The following STIMATE variants were observed in gnomAD, a reference collection of about 807,000 sequenced individuals.
STIMATE encodes the protein store-operated calcium entry regulator STIMATE.
A neutral mutation model predicts 36.7 loss-of-function variants in STIMATE; 15 were observed. The observed-to-expected ratio is 0.41, with a 90% CI of 0.27 to 0.63. The LOEUF (loss-of-function observed/expected upper bound fraction) is 0.63, where lower values mean the gene tolerates loss of function less well. STIMATE is among the 20% of genes least tolerant of loss of function. The pLI is 0.32. For missense variants in STIMATE, 305 were observed against 397.3 expected, an observed-to-expected ratio of 0.77 and a Z score of 1.98; for synonymous variants, 163 against 162.3, an observed-to-expected ratio of 1.00 and a Z score of -0.03.
At chr3:52,884,863 G>C (rs1701666704) in intron 1 of STIMATE, among the ~76,000 whole-genome samples, 1 of 152,172 alleles carries the variant, frequency 6.6e-6, no homozygotes, top group Non-Finnish European at 1.5e-5. Context: ...TACAAATGAA[G>C]GTGCTATAAA....
chr3:52,849,865 G>A lies in STIMATE; in HGVS notation c.354C>T (p.Ile118=), dbSNP rs1700968313. ...LLDATVGMLL[I]YVGVRAVSVL... The stretch of plus-strand genomic sequence containing the variant: ...CGCTGACGGCGCGCACCCCCACGTA[G>A]ATGAGCAGCATGCCCACAGTGGCGT... The change falls in exon 4 of 8, where the codon ATC becomes ATT. Residue 118 remains isoleucine, a synonymous_variant. Coordinates refer to ENST00000355083, the MANE Select transcript of STIMATE (RefSeq NM_198563.5). 6.2e-7 allele frequency: 1 copy of A among 1,613,762 alleles called. No homozygotes were observed. Among genetic ancestry groups the A allele is most frequent in the Non-Finnish European group, 8.5e-7 (1 of 1,180,004 alleles).
intron 1 of STIMATE, among the ~76,000 whole-genome samples, chr3:52,878,260 C>G (rs1221908403): frequency 6.6e-6 from 1 of 151,368 alleles, no homozygotes; most frequent in African/African-American, 2.5e-5. Flanking sequence ...AGACACCACG[C>G]ATGTGACCAA....
intron 1 of STIMATE, among the ~76,000 whole-genome samples, chr3:52,881,519 A>G (rs1701604920): frequency 6.6e-6 from 1 of 152,040 alleles, no homozygotes; most frequent in Non-Finnish European, 1.5e-5. Context: ...CCTGGCTAAC[A>G]AGGTGAAACC....
chr3:52,880,343 A>G (rs1701582239), intron 1 of STIMATE, among the ~76,000 whole-genome samples: 1 of 152,258 alleles, frequency 6.6e-6, no homozygotes, highest in Non-Finnish European at 1.5e-5. Flanking sequence ...GCAAGCACAG[A>G]ACCAGAGAAA....
intron 1 of STIMATE, among the ~76,000 whole-genome samples, chr3:52,864,384 C>T (rs1413108846): frequency 5.3e-5 from 8 of 152,274 alleles, no homozygotes; most frequent in East Asian, 3.9e-4. Context: ...ATGGCTGGAG[C>T]GGCTGGGATG....
At chr3:52,859,754 T>A (rs1016354872) in intron 1 of STIMATE, among the ~76,000 whole-genome samples, 1 of 151,670 alleles carries the variant, frequency 6.6e-6, no homozygotes, top group African/African-American at 2.4e-5. Flanking sequence ...GGAATTCACA[T>A]TGCTTTTATT....
At chr3:52,875,135 A>C (rs1701479437) in intron 1 of STIMATE, among the ~76,000 whole-genome samples, 1 of 152,230 alleles carries the variant, frequency 6.6e-6, no homozygotes, top group African/African-American at 2.4e-5. Context: ...AACAGGCATA[A>C]GCTGGAATAA....
intron 4 of STIMATE, 97 bp from the exon 5 acceptor site, chr3:52,845,038 G>A: frequency 8.3e-7 from 1 of 1,201,832 alleles, no homozygotes; most frequent in Admixed American, 2.4e-5. Flanking sequence ...CAGAACACTG[G>A]CTCTAAAGCT....
chr3:52,843,674 T>A (rs1296428449), intron 6 of STIMATE, 47 bp downstream of exon 6: 1 of 1,613,820 alleles, frequency 6.2e-7, no homozygotes, highest in South Asian at 1.1e-5. Context: ...ACAGGAACCC[T>A]GCCAGACAGG....
intron 1 of STIMATE, among the ~76,000 whole-genome samples, chr3:52,880,502 GGA>G (rs1354114704): frequency 1.3e-5 from 2 of 152,234 alleles, no homozygotes; most frequent in Non-Finnish European, 2.9e-5. Context: ...TCTAGGGACA[GGA>G]GAAAAGCAGG....
At chr3:52,863,325 C>T (rs1457745397) in intron 1 of STIMATE, among the ~76,000 whole-genome samples, 1 of 151,894 alleles carries the variant, frequency 6.6e-6, no homozygotes, top group Non-Finnish European at 1.5e-5. Flanking sequence ...ATGGTGGTGG[C>T]AAGAGAAAAT....
rs1394595669 is a variant in STIMATE at position 52,836,856 on chromosome 3, A to T, written c.*3638T>A. The T allele has an allele frequency of 1.5e-5, 4 of 262,042 alleles. No individual in the cohort carries two copies. The highest frequency in any genetic ancestry group is 2.4e-5 in the Non-Finnish European group (3 of 127,504). 16.2% of individuals were successfully genotyped at this position (262,042 alleles called of 1,614,324 possible). On this transcript the variant is annotated 3_prime_UTR_variant, in exon 8 of 8. Transcript: ENST00000355083. ...TCCATGAATCCTACCACCACCGATTAAGCACCCCCACTGGATGGCTGCTGA... is the reference window on the plus strand; with the variant it reads ...TCCATGAATCCTACCACCACCGATTTAGCACCCCCACTGGATGGCTGCTGA...
Position 52,887,994 on chromosome 3 carries a change from G to T in STIMATE, c.160+9297C>A, listed in dbSNP as rs372522807. 1.9e-3 allele frequency among the ~76,000 whole-genome samples: 99 copies of T among 52,696 alleles called. 1 individual carries two copies. Among genetic ancestry groups the T allele is most frequent in the South Asian group, 5.9e-3 (5 of 854 alleles). 34.6% of individuals were successfully genotyped at this position (52,696 alleles called of 152,430 possible). A position where few individuals can be genotyped will look rare whatever the true frequency, so the allele number is the denominator to read the frequency against. On this transcript the variant is annotated intron_variant, in intron 1 of 7. Transcript: ENST00000355083. ...GCTCTAACTTCATATAACAGAATCA[G>T]TTTTTTTTTTTTTTTTTTTTTTTTT... is the stretch of plus-strand genomic sequence containing the variant.
Position 52,842,949 on chromosome 3 carries a change from A to C in STIMATE, c.630T>G (p.Phe210Leu). The change falls in exon 7 of 8, where the codon TTT becomes TTG. Residue 210 changes from phenylalanine to leucine, a missense_variant. Physicochemically the swap from Phe to Leu is conservative, Grantham distance 22. Transcript: ENST00000355083. ...TCATGAGGAAATTGTCCACTACCCA[A>C]AACATCAAAGCCTGTGGGAAGGAAA... ...IVPFFVNALM[F>L]WVVDNFLMRK... 6.2e-7 allele frequency: 1 copy of C among 1,614,170 alleles called. No individual in the cohort carries two copies. Among genetic ancestry groups the C allele is most frequent in the South Asian group, 1.1e-5 (1 of 91,086 alleles).
chr3:52,863,853 CA>C (rs1701258512), intron 1 of STIMATE, among the ~76,000 whole-genome samples: 1 of 152,216 alleles, frequency 6.6e-6, no homozygotes, highest in Admixed American at 6.5e-5. Context: ...TTTAAAGCTC[CA>C]AAATGATCTC....
chr3:52,842,679 C>A, intron 7 of STIMATE, 132 bp downstream of exon 7: 1 of 1,521,070 alleles, frequency 6.6e-7, no homozygotes, highest in Admixed American at 2.0e-5. Context: ...CTGGCTCAGC[C>A]TCTTCTCCTG....
chr3:52,860,126 T>G (rs1413856580), intron 1 of STIMATE, among the ~76,000 whole-genome samples: 2 of 135,462 alleles, frequency 1.5e-5, no homozygotes, highest in South Asian at 4.6e-4. Context: ...GTAAAGGGGG[T>G]AAAAAAAAAA....
chr3:52,884,846 G>A (rs562444054), intron 1 of STIMATE, among the ~76,000 whole-genome samples: 3 of 152,182 alleles, frequency 2.0e-5, no homozygotes, highest in South Asian at 4.2e-4. Flanking sequence ...TCCTAGTTTG[G>A]GGCAATTACA....
intron 1 of STIMATE, among the ~76,000 whole-genome samples, chr3:52,865,363 G>C (rs1332623684): frequency 1.3e-5 from 2 of 152,116 alleles, no homozygotes; most frequent in East Asian, 3.9e-4. Context: ...CCACATTTTT[G>C]GGTATCTTTT....
Sources: gnomAD v4.1 joint callset for allele counts (sites outside exome capture counted in the v4.1 genomes callset) on GRCh38, gnomAD v4.1.1 for gene constraint, MANE v1.5 for transcripts, NCBI Gene and HGNC (gene_info 2026-07-23, HGNC 2026-07-21) for gene names.